The following ATP13A5 variants were observed in gnomAD, a reference collection of about 807,000 sequenced individuals.
ATP13A5 encodes probable cation-transporting ATPase 13A5.
Under a neutral mutation model 150.2 loss-of-function variants are expected in ATP13A5, and 149 were observed. The ratio of observed to expected loss-of-function variants is 0.99; its 90% CI spans 0.87 to 1.14. The LOEUF (loss-of-function observed/expected upper bound fraction) is 1.14, where lower values mean the gene tolerates loss of function less well. Ranked by LOEUF, ATP13A5 falls within the 50% of genes most tolerant of loss-of-function variation. The pLI, the probability that ATP13A5 is intolerant of heterozygous loss-of-function variation, is 0.00. For missense variants in ATP13A5, 1,383 were observed against 1,449.3 expected (o/e 0.95, Z 0.74); for synonymous variants, 497 against 522.2 (o/e 0.95, Z 0.66).
At chr3:193,325,060 A>C in intron 13 of ATP13A5, 46 bp from the exon 14 acceptor site, 1 of 1,583,152 alleles carries the variant, frequency 6.3e-7, no homozygotes, top group Non-Finnish European at 8.6e-7. Flanking sequence ...ATCATTTTGC[A>C]CATTCTGTCC....
At chr3:193,285,389 G>A (rs1160877675) in intron 26 of ATP13A5, among the ~76,000 whole-genome samples, 1 of 152,120 alleles carries the variant, frequency 6.6e-6, no homozygotes, top group African/African-American at 2.4e-5. Flanking sequence ...TCAATTCAAA[G>A]AGTAAATAGA....
rs566956879 is a variant in ATP13A5 at position 193,328,870 on chromosome 3, A to G, written c.1462-1813T>C. ...TAATGGCAGAGTGCTTTATTCCAACATGATGGTGATAGAATTTTATAATGT... is the reference window on the plus strand; with the variant it reads ...TAATGGCAGAGTGCTTTATTCCAACGTGATGGTGATAGAATTTTATAATGT... On this transcript the variant is annotated intron_variant, in intron 12 of 29. Transcript: ENST00000342358. Among the ~76,000 whole-genome samples the G allele has an allele frequency of 6.0e-4, 91 of 152,376 alleles. 2 individuals are homozygous for G. Among genetic ancestry groups the G allele is most frequent in the African/African-American group, 2.0e-3 (82 of 41,594 alleles).
At chr3:193,342,997 T>C (rs1712188003) in intron 9 of ATP13A5, among the ~76,000 whole-genome samples, 1 of 152,204 alleles carries the variant, frequency 6.6e-6, no homozygotes, top group Non-Finnish European at 1.5e-5. Flanking sequence ...GTAATTATAC[T>C]GAACATATTT....
chr3:193,362,424 G>A lies in ATP13A5; in HGVS notation c.493C>T (p.Gln165Ter), dbSNP rs547207278. 3 of 1,614,100 alleles carry A rather than the reference G, an allele frequency of 1.9e-6. No individual in the cohort carries two copies. The highest frequency in any genetic ancestry group is 2.2e-5 in the South Asian group (2 of 91,078). ...CTGGTCAGACCCAATCCAAATGTCT[G>A]ATGGATGTCAGAGCAGGAATTGCTG... ...EDSNSCSDIH[Q>*]TFGLGLTSEE... The change falls in exon 5 of 30, where the codon CAG becomes TAG. Residue 165 changes from glutamine to a stop codon, truncating the protein, a stop_gained. Transcript: ENST00000342358. LOFTEE classifies it high-confidence loss of function.
chr3:193,372,092 A>C (rs2108585600), intron 1 of ATP13A5: 1 of 152,684 alleles, frequency 6.5e-6, no homozygotes, highest in East Asian at 1.9e-4. Flanking sequence ...AGGTCAGGGG[A>C]TTCAGACCAG....
chr3:193,279,965 T>C (rs963394877), intron 27 of ATP13A5, among the ~76,000 whole-genome samples: 9 of 131,286 alleles, frequency 6.9e-5, no homozygotes, highest in Admixed American at 3.4e-4. Context: ...CTCTAGCTTC[T>C]GTGTCTTTGT....
chr3:193,340,417 G>A (rs1388794728), intron 9 of ATP13A5, among the ~76,000 whole-genome samples: 1 of 152,180 alleles, frequency 6.6e-6, no homozygotes, highest in African/African-American at 2.4e-5. Flanking sequence ...GAAGGAGGAT[G>A]ATAAAAAGAG....
At chr3:193,368,416 G>GTC (rs1553823618) in intron 1 of ATP13A5, among the ~76,000 whole-genome samples, 1 of 151,526 alleles carries the variant, frequency 6.6e-6, no homozygotes, top group Non-Finnish European at 1.5e-5. Flanking sequence ...GTGTGTGTGT[G>GTC]TGTGTGGTAA....
intron 27 of ATP13A5, among the ~76,000 whole-genome samples, chr3:193,284,015 T>TTAA (rs1717613556): frequency 6.7e-6 from 1 of 148,436 alleles, no homozygotes; most frequent in Non-Finnish European, 1.5e-5. Context: ...CGGATTATTA[T>TTAA]TATTATTATT....
chr3:193,326,329 T>C (rs908306035), intron 13 of ATP13A5, among the ~76,000 whole-genome samples: 1 of 152,202 alleles, frequency 6.6e-6, no homozygotes, highest in African/African-American at 2.4e-5. Flanking sequence ...TGTAGCTCTT[T>C]CTGGAGTAGA....
In ATP13A5 at chr3:193,305,561, G is replaced by A; in HGVS notation, c.2676C>T (p.Ile892=). ...TGGAAGAGGAAAAAATGACTTACCTGATGAGATGAGGCACACACTGGATGT... is the reference window on the plus strand; with the variant it reads ...TGGAAGAGGAAAAAATGACTTACCTAATGAGATGAGGCACACACTGGATGT... The part of the protein sequence containing the change: ...TTNIQCVPHL[I]REGRAALVSS... The change falls in exon 23 of 30, where the codon ATC becomes ATT. Residue 892 remains isoleucine (I), a splice_region_variant and synonymous_variant. Coordinates refer to ENST00000342358, the MANE Select transcript of ATP13A5 (RefSeq NM_198505.4). The A allele has an allele frequency of 6.2e-7, 1 of 1,612,886 alleles. No individual in the cohort carries two copies. Among genetic ancestry groups the A allele is most frequent in the Non-Finnish European group, 8.5e-7 (1 of 1,178,932 alleles).
At chr3:193,347,036 A>G (rs1402673247) in intron 7 of ATP13A5, among the ~76,000 whole-genome samples, 1 of 152,192 alleles carries the variant, frequency 6.6e-6, no homozygotes, top group African/African-American at 2.4e-5. Flanking sequence ...CTTAGAATTT[A>G]GTCGTTTTCT....
intron 22 of ATP13A5, among the ~76,000 whole-genome samples, chr3:193,305,887 G>GCACA (rs1718595085): frequency 6.6e-6 from 1 of 152,132 alleles, no homozygotes; most frequent in African/African-American, 2.4e-5. Context: ...AGTGGTGTGT[G>GCACA]TACATGCATG....
At chr3:193,302,908 GT>G (rs1475933470) in intron 23 of ATP13A5, among the ~76,000 whole-genome samples, 1 of 152,104 alleles carries the variant, frequency 6.6e-6, no homozygotes, top group Non-Finnish European at 1.5e-5. Context: ...AAAGCAAGGA[GT>G]TTCTACCCTA....
chr3:193,309,290 C>T (rs1718746790), intron 21 of ATP13A5, among the ~76,000 whole-genome samples: 1 of 152,200 alleles, frequency 6.6e-6, no homozygotes, highest in African/African-American at 2.4e-5. Flanking sequence ...AAATTATTCA[C>T]ATATCTTCTA....
intron 2 of ATP13A5, 126 bp from the exon 3 acceptor site, chr3:193,363,508 TTA>T (rs1560151642): frequency 4.8e-6 from 4 of 828,474 alleles, no homozygotes; most frequent in Non-Finnish European, 7.3e-6. Flanking sequence ...ATCTCAGAAC[TTA>T]GTAGAAATGC....
chr3:193,331,251 C>T lies in ATP13A5; in HGVS notation c.1333G>A (p.Val445Met). 1 of 1,614,048 alleles carries T rather than the reference C, an allele frequency of 6.2e-7. No individual in the cohort carries two copies. Among genetic ancestry groups the T allele is most frequent in the South Asian group, 1.1e-5 (1 of 91,074 alleles). The stretch of plus-strand genomic sequence containing the variant: ...CCTATGGTCAGGGCAGCTGGCAGCA[C>T]TGGAGGGACAGTCACGGTGAGGAGG... Reference protein sequence around the residue: ...LILLTVTVPPVLPAALTIGNV... With the variant: ...LILLTVTVPPMLPAALTIGNV... The change falls in exon 12 of 30, where the codon GTG (valine) becomes ATG (methionine). Residue 445 changes from valine (V) to methionine (M), a missense_variant. Around this residue, in one of 3 missense-constraint regions of ATP13A5, gnomAD observed 787 missense variants for 771.9 expected, o/e 1.02. Transcript: ENST00000342358.
chr3:193,334,015 C>T (rs1370132763), intron 10 of ATP13A5, 108 bp from the exon 11 acceptor site: 36 of 966,172 alleles, frequency 3.7e-5, no homozygotes, highest in Non-Finnish European at 4.1e-5. Context: ...CTCTAACCTT[C>T]TACCTAATCA....
chr3:193,281,132 T>G (rs147969215), intron 27 of ATP13A5: 24 of 970,466 alleles, frequency 2.5e-5, no homozygotes, highest in Non-Finnish European at 2.9e-5. Flanking sequence ...TAAAGCAATC[T>G]AAATGGCTTG....
Sources: allele counts gnomAD v4.1 joint callset (sites outside exome capture counted in the v4.1 genomes callset), GRCh38; gene constraint gnomAD v4.1.1; regional missense constraint gnomAD v4.1.1; transcripts MANE v1.5; gene names NCBI Gene and HGNC (gene_info 2026-07-23, HGNC 2026-07-21).